The following SFXN5 variants were observed in gnomAD, a reference collection of about 807,000 sequenced individuals.
SFXN5 encodes the protein sideroflexin-5.
SFXN5 carries 43 observed loss-of-function variants against 50.2 expected under a neutral mutation model. The observed-to-expected ratio is 0.86, with a 90% confidence interval of 0.67 to 1.11. The LOEUF is 1.11. SFXN5 is among the 50% of genes least tolerant of loss of function. SFXN5 has a pLI of 0.00. For missense variants in SFXN5, 463 were observed against 454.1 expected, an observed-to-expected ratio of 1.02 and a Z score of -0.18; for synonymous variants, 203 against 185.8, an observed-to-expected ratio of 1.09 and a Z score of -0.75.
chr2:72,981,915 C>T (rs1671343937), intron 10 of SFXN5, among the ~76,000 whole-genome samples: 1 of 151,910 alleles, frequency 6.6e-6, no homozygotes, highest in Non-Finnish European at 1.5e-5. Flanking sequence ...GAGAGATTAT[C>T]GAATGGGTTT....
intron 3 of SFXN5, among the ~76,000 whole-genome samples, chr2:73,031,324 G>A (rs1184022145): frequency 1.3e-5 from 2 of 152,220 alleles, no homozygotes; most frequent in African/African-American, 4.8e-5. Flanking sequence ...GGATGTGGCT[G>A]CAGCCCAGCC....
At chr2:73,034,627 T>C (rs1324766780) in intron 3 of SFXN5, among the ~76,000 whole-genome samples, 2 of 152,106 alleles carry the variant, frequency 1.3e-5, no homozygotes, top group Admixed American at 1.3e-4. Context: ...CTGGGGAATG[T>C]TGAATGATGG....
At chr2:72,979,442 T>C (rs567874465) in intron 10 of SFXN5, among the ~76,000 whole-genome samples, 2 of 152,274 alleles carry the variant, frequency 1.3e-5, no homozygotes, top group South Asian at 2.1e-4. Context: ...AAGACCAGCC[T>C]GGTCAACATG....
At chr2:73,069,922 AG>A (rs1275281973) in intron 1 of SFXN5, among the ~76,000 whole-genome samples, 1 of 152,246 alleles carries the variant, frequency 6.6e-6, no homozygotes, top group African/African-American at 2.4e-5. Flanking sequence ...GGGCAAGATC[AG>A]CCCCTTCTTG....
At chr2:72,982,861 G>T (rs951789104) in intron 10 of SFXN5, among the ~76,000 whole-genome samples, 2 of 152,228 alleles carry the variant, frequency 1.3e-5, no homozygotes, top group African/African-American at 4.8e-5. Flanking sequence ...GCGTTCTCCA[G>T]GGCTGCAGTG....
At chr2:73,023,827 A>C (rs1677216060) in intron 3 of SFXN5, among the ~76,000 whole-genome samples, 1 of 152,242 alleles carries the variant, frequency 6.6e-6, no homozygotes. Context: ...TGTTATCATA[A>C]GAAGGCTGTA....
chr2:72,945,132 G>C lies in SFXN5; in HGVS notation c.946-33C>G, dbSNP rs200623748. On this transcript the variant is annotated intron_variant, in intron 13 of 13. Transcript: ENST00000272433. The surrounding 1 kb of genome is among the most constrained non-coding windows in gnomAD (Gnocchi z 5.8). ...GAGAGAACAGAGAGGAAAAGTGGGG[G>C]AGTGGGAAGGGGCAAATAGTGGGGC... is the stretch of plus-strand genomic sequence containing the variant. 6.3e-6 allele frequency: 10 copies of C among 1,597,346 alleles called. No individual in the cohort carries two copies. The African/African-American group carries it at 1.2e-4, about 19-fold the overall frequency.
chr2:73,057,266 G>T (rs1435789071), intron 2 of SFXN5, among the ~76,000 whole-genome samples: 2 of 152,122 alleles, frequency 1.3e-5, no homozygotes, highest in Non-Finnish European at 2.9e-5. Context: ...AGCCTCTCGA[G>T]TAGCTGGGAC....
intron 11 of SFXN5, among the ~76,000 whole-genome samples, chr2:72,969,487 T>A (rs919485568): frequency 2.0e-5 from 3 of 152,044 alleles, no homozygotes; most frequent in Non-Finnish European, 4.4e-5. Flanking sequence ...CTCCACCTCC[T>A]GGGTTCAAGC....
chr2:72,961,756 A>G lies in SFXN5; in HGVS notation c.828-508T>C, dbSNP rs536266201. On this transcript the variant is annotated intron_variant, in intron 12 of 13. Transcript: ENST00000272433. This position sits in a 1 kb window ranked among gnomAD's most constrained non-coding sequence, Gnocchi z 4.4. ...AGCCAGGAGGGGGTGATCCTCCTCTATGTGTGAGAACAGAAGACACCCCAC... is the reference window on the plus strand; with the variant it reads ...AGCCAGGAGGGGGTGATCCTCCTCTGTGTGTGAGAACAGAAGACACCCCAC... Among the ~76,000 whole-genome samples the G allele has an allele frequency of 2.6e-5, 4 of 152,284 alleles. No individual in the cohort carries two copies. Among genetic ancestry groups the G allele is most frequent in the Non-Finnish European group, 4.4e-5 (3 of 68,026 alleles).
At chr2:72,979,887 C>T (rs901392690) in intron 10 of SFXN5, among the ~76,000 whole-genome samples, 4 of 152,030 alleles carry the variant, frequency 2.6e-5, no homozygotes, top group Admixed American at 6.6e-5. Flanking sequence ...TAGATGTTAA[C>T]TTGAATTTGG....
chr2:73,026,150 CAG>C (rs1166147802), intron 3 of SFXN5, among the ~76,000 whole-genome samples: 1 of 73,376 alleles, frequency 1.4e-5, no homozygotes, highest in African/African-American at 1.2e-4. Context: ...TTTTTTGAGA[CAG>C]AGTCTTGCTC....
chr2:73,065,290 G>A (rs1683094906), intron 1 of SFXN5, among the ~76,000 whole-genome samples: 1 of 152,050 alleles, frequency 6.6e-6, no homozygotes, highest in Non-Finnish European at 1.5e-5. Context: ...TTGTAGACAT[G>A]GGGTCTCACT....
At chr2:73,019,764 T>G (rs1379661797) in intron 6 of SFXN5, 1 of 157,824 alleles carries the variant, frequency 6.3e-6, no homozygotes, top group Non-Finnish European at 1.4e-5. Flanking sequence ...TACCAAGCTG[T>G]ACATTTATGA....
chr2:73,049,870 C>T (rs1296360706), intron 2 of SFXN5: 1 of 151,860 alleles, frequency 6.6e-6, no homozygotes, highest in Non-Finnish European at 1.5e-5. Context: ...TGTGATTCAT[C>T]CTGAGGCAAA....
chr2:72,980,360 ACTCTCT>A (rs374308048), intron 10 of SFXN5, among the ~76,000 whole-genome samples: 1 of 151,826 alleles, frequency 6.6e-6, no homozygotes, highest in South Asian at 2.1e-4. Context: ...ACTCACACAT[ACTCTCT>A]CTCTCACACT....
chr2:73,064,722 G>T (rs538385276), intron 1 of SFXN5, among the ~76,000 whole-genome samples: 1 of 152,198 alleles, frequency 6.6e-6, no homozygotes, highest in East Asian at 1.9e-4. Context: ...ACTAGGCCTT[G>T]GTCCCCAGCA....
In SFXN5 at chr2:73,035,123, C is replaced by T. The variant is rs569006803; in HGVS notation, c.249+5731G>A. Among the ~76,000 whole-genome samples the T allele has an allele frequency of 3.9e-5, 6 of 152,316 alleles. No individual in the cohort carries two copies. The South Asian group carries it at 1.2e-3, about 32-fold the overall frequency. On this transcript the variant is annotated intron_variant, in intron 3 of 13. Coordinates refer to ENST00000272433, the MANE Select transcript of SFXN5 (RefSeq NM_144579.3). ...ACTGACAAGTTTATGTGAAGATTAG[C>T]TGAGATAATATGTGGAAAGCGCTAG... is the stretch of plus-strand genomic sequence containing the variant.
intron 10 of SFXN5, among the ~76,000 whole-genome samples, chr2:72,984,409 A>G (rs963648732): frequency 6.6e-6 from 1 of 152,232 alleles, no homozygotes; most frequent in African/African-American, 2.4e-5. Flanking sequence ...AACAGGGAGG[A>G]CACCGCGTAG....
Sources: allele counts gnomAD v4.1 joint callset (sites outside exome capture counted in the v4.1 genomes callset), GRCh38; gene constraint gnomAD v4.1.1; non-coding constraint Gnocchi (gnomAD v3.1); transcripts MANE v1.5; gene names NCBI Gene and HGNC (gene_info 2026-07-23, HGNC 2026-07-21).